The following EMSY variants were observed in gnomAD, a reference collection of about 807,000 sequenced individuals.
EMSY encodes EMSY transcriptional repressor, BRCA2 interacting, also known as BRCA2-interacting transcriptional repressor EMSY.
Under a neutral mutation model 134.6 loss-of-function variants are expected in EMSY, and 26 were observed. The ratio of observed to expected loss-of-function variants is 0.19; its 90% CI spans 0.14 to 0.27. The LOEUF (loss-of-function observed/expected upper bound fraction) is 0.27, where lower values mean the gene tolerates loss of function less well. EMSY is among the 10% of genes least tolerant of loss of function. The pLI, the probability that EMSY is intolerant of heterozygous loss-of-function variation, is 1.00. For missense variants in EMSY, 1,305 were observed against 1,611.4 expected, an observed-to-expected ratio of 0.81 and a Z score of 3.26; for synonymous variants, 579 against 577.8, an observed-to-expected ratio of 1.00 and a Z score of -0.03.
chr11:76,518,068 T>A (rs2136196151), intron 11 of EMSY, among the ~76,000 whole-genome samples: 1 of 152,118 alleles, frequency 6.6e-6, no homozygotes, highest in Non-Finnish European at 1.5e-5. Flanking sequence ...AGTAAACTGA[T>A]AAGGCTGGTT....
chr11:76,543,934 G>T (rs1349498916), intron 18 of EMSY, among the ~76,000 whole-genome samples: 3 of 152,190 alleles, frequency 2.0e-5, no homozygotes, highest in African/African-American at 7.2e-5. Context: ...GAATAGGCCA[G>T]ACGGCTGTTT....
At chr11:76,461,884 A>C (rs1024495818) in intron 6 of EMSY, among the ~76,000 whole-genome samples, 1 of 151,708 alleles carries the variant, frequency 6.6e-6, no homozygotes, top group Non-Finnish European at 1.5e-5. Flanking sequence ...GTGAGCTGAG[A>C]TCGTGCCATG....
intron 4 of EMSY, 187 bp downstream of exon 4, chr11:76,453,575 G>A: frequency 2.3e-6 from 1 of 440,596 alleles, no homozygotes; most frequent in East Asian, 3.7e-5. Context: ...TTTTGCATTT[G>A]GTTAGGCAAG....
intron 8 of EMSY, among the ~76,000 whole-genome samples, chr11:76,474,568 C>T (rs1948704814): frequency 6.6e-6 from 1 of 152,152 alleles, no homozygotes; most frequent in Non-Finnish European, 1.5e-5. Flanking sequence ...GTCAGTATTT[C>T]TTCACTCTGC....
chr11:76,516,471 G>A, intron 11 of EMSY, 159 bp downstream of exon 12: 1 of 462,278 alleles, frequency 2.2e-6, no homozygotes, highest in Non-Finnish European at 3.6e-6. Flanking sequence ...AAAGTTTTTA[G>A]TTTTAATATT....
intron 9 of EMSY, among the ~76,000 whole-genome samples, chr11:76,499,824 T>C (rs1949791530): frequency 6.6e-6 from 1 of 152,032 alleles, no homozygotes. Flanking sequence ...ACAGTATACA[T>C]GTGTTGGCCA....
exon 11 of EMSY, chr11:76,516,231 A>T: frequency 6.2e-7 from 1 of 1,613,614 alleles, no homozygotes. Context: ...TGTGAAAACT[A>T]CGAGTGGTAG....
chr11:76,450,447 A>G (rs1210535910), intron 2 of EMSY, among the ~76,000 whole-genome samples: 1 of 151,864 alleles, frequency 6.6e-6, no homozygotes, highest in African/African-American at 2.4e-5. Flanking sequence ...TTGAACATGC[A>G]GGATGTTTAA....
chr11:76,505,378 T>TTTG (rs1555062051), intron 9 of EMSY, among the ~76,000 whole-genome samples: 10 of 149,994 alleles, frequency 6.7e-5, no homozygotes, highest in Non-Finnish European at 1.0e-4. Flanking sequence ...TTTTTTTTTT[T>TTTG]TTTGTAGAGA....
At chr11:76,492,897 A>G (rs1401474042) in intron 8 of EMSY, among the ~76,000 whole-genome samples, 2 of 152,092 alleles carry the variant, frequency 1.3e-5, no homozygotes, top group Admixed American at 6.5e-5. Context: ...GTGGCCACCC[A>G]TGAACCAATC....
intron 7 of EMSY, among the ~76,000 whole-genome samples, chr11:76,471,759 C>T (rs1048747726): frequency 2.6e-5 from 4 of 152,194 alleles, no homozygotes; most frequent in African/African-American, 9.7e-5. Flanking sequence ...CATGCTCTTA[C>T]ATGGTTTAGT....
At chr11:76,450,891 T>G (rs1392233308) in intron 2 of EMSY, among the ~76,000 whole-genome samples, 1 of 151,034 alleles carries the variant, frequency 6.6e-6, no homozygotes, top group East Asian at 2.0e-4. Flanking sequence ...CTTCCTGGGC[T>G]CAAGTGATCC....
intron 4 of EMSY, 102 bp downstream of exon 5, chr11:76,454,892 C>A: frequency 2.3e-6 from 2 of 877,946 alleles, no homozygotes; most frequent in Non-Finnish European, 3.3e-6. Context: ...TATGAATTAA[C>A]CATGCCCCTT....
chr11:76,524,419 A>G (rs1349113944), intron 12 of EMSY, among the ~76,000 whole-genome samples: 1 of 152,160 alleles, frequency 6.6e-6, no homozygotes, highest in Non-Finnish European at 1.5e-5. Context: ...ACTTAAATAG[A>G]TCTCATAAAA....
Position 76,447,485 on chromosome 11 carries a change from A to C in EMSY, c.70+477A>C, listed in dbSNP as rs561211109. ...CTTCATGATTGTATGTGTCAATTACATACTATTTCTGAATTCTAAGTTGAT... is the reference window on the plus strand; with the variant it reads ...CTTCATGATTGTATGTGTCAATTACCTACTATTTCTGAATTCTAAGTTGAT... On this transcript the variant is annotated intron_variant, in intron 2 of 20. Coordinates refer to ENST00000334736, the Ensembl canonical transcript of EMSY. Among the ~76,000 whole-genome samples the C allele has an allele frequency of 9.2e-5, 14 of 152,336 alleles. No individual in the cohort carries two copies. The East Asian group carries it at 2.7e-3, about 29-fold the overall frequency.
chr11:76,489,708 G>A (rs1284146045), intron 8 of EMSY, among the ~76,000 whole-genome samples: 2 of 151,382 alleles, frequency 1.3e-5, no homozygotes, highest in Non-Finnish European at 1.5e-5. Flanking sequence ...AGGTTCCAGC[G>A]ATTCTCCTGC....
chr11:76,541,969 C>T (rs1951456222), intron 17 of EMSY: 1 of 605,190 alleles, frequency 1.7e-6, no homozygotes, highest in Non-Finnish European at 2.9e-6. Flanking sequence ...ATACATTTCT[C>T]ATCTCATCCT....
intron 14 of EMSY, among the ~76,000 whole-genome samples, chr11:76,532,338 C>T (rs1951072472): frequency 6.6e-6 from 1 of 151,270 alleles, no homozygotes; most frequent in African/African-American, 2.4e-5. Flanking sequence ...TTTTTGTTGC[C>T]TGAGTCCAAA....
chr11:76,473,812 G>A (rs950837136), intron 8 of EMSY, among the ~76,000 whole-genome samples: 15 of 151,850 alleles, frequency 9.9e-5, no homozygotes, highest in African/African-American at 3.1e-4. Context: ...CTGTAACATG[G>A]TGAAACCCTG....
Sources: allele counts gnomAD v4.1 joint callset (sites outside exome capture counted in the v4.1 genomes callset), GRCh38; gene constraint gnomAD v4.1.1; transcripts MANE v1.5; gene names NCBI Gene and HGNC (gene_info 2026-07-23, HGNC 2026-07-21).